The following NPNT variants were observed in gnomAD, a reference collection of about 807,000 sequenced individuals.
NPNT encodes nephronectin.
NPNT carries 45 observed loss-of-function variants against 68.6 expected under a neutral mutation model. That is an observed-to-expected ratio of 0.66 (90% CI 0.52 to 0.84). The LOEUF is 0.84. NPNT is among the 40% of genes least tolerant of loss of function. The pLI is 0.00. For synonymous variants in NPNT, 233 were observed against 253.3 expected, an observed-to-expected ratio of 0.92 and a Z score of 0.76; for missense variants, 672 against 714.8, an observed-to-expected ratio of 0.94 and a Z score of 0.68.
chr4:105,897,781 A>C (rs1725985271), intron 1 of NPNT, 120 bp from the exon 2 acceptor site: 1 of 751,396 alleles, frequency 1.3e-6, no homozygotes, highest in African/African-American at 1.8e-5. Context: ...CTGCAGGCAT[A>C]AAAGAGTTTG....
intron 8 of NPNT, among the ~76,000 whole-genome samples, chr4:105,955,338 A>T (rs1731136056): frequency 6.6e-6 from 1 of 152,192 alleles, no homozygotes; most frequent in Non-Finnish European, 1.5e-5. Context: ...GCATTGATCA[A>T]AATAGCTCCC....
At chr4:105,923,582 A>G (rs1483124232) in intron 2 of NPNT, among the ~76,000 whole-genome samples, 1 of 152,142 alleles carries the variant, frequency 6.6e-6, no homozygotes, top group Admixed American at 6.6e-5. Context: ...TAGGGTTAAT[A>G]TTATGACTTC....
chr4:105,948,630 T>C (rs767705805), intron 8 of NPNT, among the ~76,000 whole-genome samples: 6 of 152,290 alleles, frequency 3.9e-5, no homozygotes, highest in Non-Finnish European at 8.8e-5. Context: ...ATGTGTGATG[T>C]GAAATATTAA....
At chr4:105,904,982 C>T (rs1240167085) in intron 2 of NPNT, among the ~76,000 whole-genome samples, 6 of 152,130 alleles carry the variant, frequency 3.9e-5, no homozygotes, top group African/African-American at 1.2e-4. Flanking sequence ...GTAATCCACC[C>T]ACCTTGGTCT....
rs201990792 is a variant in NPNT at position 105,968,963 on chromosome 4, A to G, written c.1671A>G (p.Lys557=). The G allele has an allele frequency of 9.4e-5, 151 of 1,612,404 alleles. No homozygotes were observed. Among genetic ancestry groups the G allele is most frequent in the Non-Finnish European group, 1.2e-4 (146 of 1,178,574 alleles). The change falls in exon 12 of 12, where the codon AAA becomes AAG. Residue 557 remains lysine (K), a synonymous_variant. Coordinates refer to ENST00000379987, the MANE Select transcript of NPNT (RefSeq NM_001033047.3). ...TTGGATTAGATGATGTGAGCTTGAAAAAAGGCCACTGCTCTGAAGAACGCT... is the reference window on the plus strand; with the variant it reads ...TTGGATTAGATGATGTGAGCTTGAAGAAAGGCCACTGCTCTGAAGAACGCT... ...GEIGLDDVSL[K]KGHCSEER is the part of the protein sequence containing the mutation.
At chr4:105,966,479 G>T (rs899578820) in intron 10 of NPNT, among the ~76,000 whole-genome samples, 1 of 152,140 alleles carries the variant, frequency 6.6e-6, no homozygotes, top group African/African-American at 2.4e-5. Context: ...CATATTTATA[G>T]AATAGATATG....
At chr4:105,956,063 T>A (rs1731200161) in intron 8 of NPNT, among the ~76,000 whole-genome samples, 1 of 152,028 alleles carries the variant, frequency 6.6e-6, no homozygotes, top group Non-Finnish European at 1.5e-5. Context: ...CAAGAACCAT[T>A]TAATTTAATA....
At chr4:105,939,123 A>G (rs1200186972) in intron 5 of NPNT, among the ~76,000 whole-genome samples, 1 of 152,216 alleles carries the variant, frequency 6.6e-6, no homozygotes, top group Non-Finnish European at 1.5e-5. Flanking sequence ...CAGTGGCCTA[A>G]GCACACAAGA....
chr4:105,904,577 G>T (rs1726719876), intron 2 of NPNT, among the ~76,000 whole-genome samples: 1 of 152,166 alleles, frequency 6.6e-6, no homozygotes, highest in African/African-American at 2.4e-5. Flanking sequence ...CATTTGCCAG[G>T]GTCTCCCAGT....
At chr4:105,898,932 TGGG>T (rs1726181827) in intron 2 of NPNT, among the ~76,000 whole-genome samples, 1 of 151,954 alleles carries the variant, frequency 6.6e-6, no homozygotes, top group Non-Finnish European at 1.5e-5. Context: ...GGAACTAAGT[TGGG>T]TTCTACATTG....
rs1457624502 is a variant in NPNT at position 105,927,673 on chromosome 4, T to A, written c.265+245T>A. ...TTAAAATGTATTTTGAAGAAAAGAA[T>A]CCCTGCATCAGTAATTTAGAAGCCT... is the stretch of plus-strand genomic sequence containing the variant. On this transcript the variant is annotated intron_variant, in intron 3 of 11. Coordinates refer to ENST00000379987, the MANE Select transcript of NPNT (RefSeq NM_001033047.3). 1.4e-5 allele frequency: 3 copies of A among 215,224 alleles called. No individual in the cohort carries two copies. The East Asian group carries it at 3.2e-4, about 23-fold the overall frequency. 13.3% of individuals were successfully genotyped at this position (215,224 alleles called of 1,614,324 possible).
intron 2 of NPNT, chr4:105,912,360 T>C (rs1353462074): frequency 4.3e-6 from 3 of 692,642 alleles, no homozygotes; most frequent in Non-Finnish European, 7.1e-6. Context: ...TGCTTCTTTT[T>C]AGGAAAACTA....
At chr4:105,939,564 T>C (rs1729765756) in intron 5 of NPNT, among the ~76,000 whole-genome samples, 1 of 152,206 alleles carries the variant, frequency 6.6e-6, no homozygotes, top group South Asian at 2.1e-4. Context: ...TTGTATGTTT[T>C]AATGGAATCA....
At position 105,970,929 on chromosome 4, in the gene NPNT, T is replaced by C. The variant is rs1185738291; in HGVS notation, c.*1939T>C. 1 of 309,072 alleles carries C rather than the reference T, an allele frequency of 3.2e-6. No individual in the cohort carries two copies. The highest frequency in any genetic ancestry group is 6.4e-6 in the Non-Finnish European group (1 of 155,804). 19.1% of individuals were successfully genotyped at this position (309,072 alleles called of 1,614,324 possible). ...AGCTCACTGAAATATCTCTCCCTTATGGCAATCCTAGCAGTATTAAAGAAA... is the reference window on the plus strand; with the variant it reads ...AGCTCACTGAAATATCTCTCCCTTACGGCAATCCTAGCAGTATTAAAGAAA... On this transcript the variant is annotated 3_prime_UTR_variant, in exon 12 of 12. Coordinates refer to ENST00000379987, the MANE Select transcript of NPNT (RefSeq NM_001033047.3).
chr4:105,908,081 A>G lies in NPNT; in HGVS notation c.172+10080A>G, dbSNP rs565496154. 1.2e-4 allele frequency among the ~76,000 whole-genome samples: 18 copies of G among 152,296 alleles called. No homozygotes were observed. The South Asian group carries it at 3.7e-3, about 32-fold the overall frequency. On this transcript the variant is annotated intron_variant, in intron 2 of 11. Coordinates refer to ENST00000379987, the MANE Select transcript of NPNT (RefSeq NM_001033047.3). ...ATTCTTAACTCTGATGGGAGGAAAC[A>G]GATATGAATAATAAAAATGATTTCT...
chr4:105,937,224 C>T, intron 4 of NPNT, 96 bp downstream of exon 4: 7 of 1,256,784 alleles, frequency 5.6e-6, no homozygotes, highest in Non-Finnish European at 6.8e-6. Flanking sequence ...CCGGGGTTCT[C>T]CTAAACAAGA....
Position 105,959,008 on chromosome 4 carries a change from T to C in NPNT, c.1247-20T>C. ...TGTTGATTTTCTGATCCACTCATCT[T>C]TCTGATTATTTCCTTGTAGGTGTTC... On this transcript the variant is annotated intron_variant, in intron 9 of 11. Coordinates refer to ENST00000379987, the MANE Select transcript of NPNT (RefSeq NM_001033047.3). The C allele has an allele frequency of 6.7e-7, 1 of 1,498,894 alleles. No homozygotes were observed. The highest frequency in any genetic ancestry group is 9.3e-7 in the Non-Finnish European group (1 of 1,074,934). 92.8% of individuals were successfully genotyped at this position (1,498,894 alleles called of 1,614,324 possible).
At chr4:105,897,329 C>CT (rs1294128819) in intron 1 of NPNT, among the ~76,000 whole-genome samples, 8 of 152,268 alleles carry the variant, frequency 5.3e-5, no homozygotes, top group East Asian at 3.9e-4. Context: ...TTTATTTAGA[C>CT]TTTTTTCTAG....
At chr4:105,903,688 T>C (rs1241882111) in intron 2 of NPNT, among the ~76,000 whole-genome samples, 1 of 152,180 alleles carries the variant, frequency 6.6e-6, no homozygotes, top group Non-Finnish European at 1.5e-5. Context: ...CCCACTTGTT[T>C]TGTACAAATG....
Sources: gnomAD v4.1 joint callset for allele counts (sites outside exome capture counted in the v4.1 genomes callset) on GRCh38, gnomAD v4.1.1 for gene constraint, MANE v1.5 for transcripts, NCBI Gene and HGNC (gene_info 2026-07-23, HGNC 2026-07-21) for gene names.